Variants in WFDC8 observed in about 807,000 individuals in gnomAD.
WFDC8 encodes WAP four-disulfide core domain 8, also known as WAP four-disulfide core domain protein 8.
In WFDC8, 24 loss-of-function variants were observed where a neutral mutation model predicts 27.0. The observed-to-expected ratio is 0.89, with a 90% confidence interval of 0.64 to 1.25. The LOEUF (loss-of-function observed/expected upper bound fraction) is 1.25. Among genes scored for constraint, WFDC8 ranks in the 50% most tolerant of loss-of-function variants. WFDC8 has a pLI of 0.00. For missense variants in WFDC8, 287 were observed against 295.9 expected (o/e 0.97, Z 0.22); for synonymous variants, 106 against 99.7 (o/e 1.06, Z -0.38).
At chr20:45,562,805 C>T (rs765431245) in intron 1 of WFDC8, among the ~76,000 whole-genome samples, 8 of 152,124 alleles carry the variant, frequency 5.3e-5, no homozygotes, top group Non-Finnish European at 7.4e-5. Flanking sequence ...GAGCTTCCCC[C>T]GCCTACTCAA....
intron 1 of WFDC8, among the ~76,000 whole-genome samples, chr20:45,572,997 CG>C (rs1980922591): frequency 6.6e-6 from 1 of 152,146 alleles, no homozygotes; most frequent in Admixed American, 6.5e-5. Flanking sequence ...AATGGAGTGC[CG>C]TATATATTTT....
chr20:45,556,468 G>A (rs1433633592), intron 3 of WFDC8, among the ~76,000 whole-genome samples: 22 of 152,142 alleles, frequency 1.4e-4, no homozygotes, highest in Admixed American at 1.2e-3. Context: ...CATTTAGCCC[G>A]GGAACTGCTA....
In WFDC8 at chr20:45,551,859, A is replaced by C. The variant is rs1980045378; in HGVS notation, c.*167T>G. Reference sequence around the variant, plus strand: ...TCATGAAGTTGAAAAAAAGCCAAATATATCATCACTTTCAGATGATGGGAT... The same window carrying C: ...TCATGAAGTTGAAAAAAAGCCAAATCTATCATCACTTTCAGATGATGGGAT... On this transcript the variant is annotated 3_prime_UTR_variant, in exon 6 of 6. Coordinates refer to ENST00000289953, the MANE Select transcript of WFDC8 (RefSeq NM_130896.3). 1 of 855,822 alleles carries C rather than the reference A, an allele frequency of 1.2e-6. No homozygotes were observed. The highest frequency in any genetic ancestry group is 1.7e-5 in the African/African-American group (1 of 58,394). The allele number at this position is 855,822 out of a possible 1,614,324, so 53.0% of individuals were successfully genotyped here. A position where few individuals can be genotyped will look rare whatever the true frequency, so the allele number is the denominator to read the frequency against.
At chr20:45,561,557 C>G (rs924567536) in intron 2 of WFDC8, among the ~76,000 whole-genome samples, 1 of 152,124 alleles carries the variant, frequency 6.6e-6, no homozygotes, top group African/African-American at 2.4e-5. Context: ...GGACTTGGGT[C>G]AATTCTGTCT....
intron 1 of WFDC8, among the ~76,000 whole-genome samples, chr20:45,575,347 AC>A (rs1402351721): frequency 1.3e-5 from 2 of 152,194 alleles, no homozygotes; most frequent in Non-Finnish European, 2.9e-5. Context: ...AAATCAACAT[AC>A]AAAAATCAGC....
intron 4 of WFDC8, among the ~76,000 whole-genome samples, chr20:45,554,949 TCA>T (rs1980184490): frequency 2.0e-5 from 3 of 152,180 alleles, no homozygotes; most frequent in Admixed American, 2.0e-4. Context: ...GCCTCATAAA[TCA>T]CACAGTTGTG....
intron 4 of WFDC8, among the ~76,000 whole-genome samples, chr20:45,554,499 C>G (rs1294194075): frequency 6.6e-6 from 1 of 152,172 alleles, no homozygotes; most frequent in African/African-American, 2.4e-5. Context: ...TGCTCTTGTA[C>G]TCATCTGACT....
chr20:45,555,207 C>A (rs1980194500), intron 4 of WFDC8, among the ~76,000 whole-genome samples: 1 of 152,178 alleles, frequency 6.6e-6, no homozygotes. Context: ...GACACTGTTT[C>A]CCAACATTGC....
intron 1 of WFDC8, among the ~76,000 whole-genome samples, chr20:45,576,581 A>G (rs1278615470): frequency 6.6e-6 from 1 of 151,150 alleles, no homozygotes; most frequent in African/African-American, 2.4e-5. Context: ...TAATTTTAGT[A>G]GAGACGGGGT....
chr20:45,551,924 A>T lies in WFDC8; in HGVS notation c.*102T>A. 1 of 1,325,918 alleles carries T rather than the reference A, an allele frequency of 7.5e-7. No individual in the cohort carries two copies. Among genetic ancestry groups the T allele is most frequent in the Non-Finnish European group, 1.1e-6 (1 of 952,298 alleles). The allele number at this position is 1,325,918 out of a possible 1,614,324, so 82.1% of individuals were successfully genotyped here. On this transcript the variant is annotated 3_prime_UTR_variant, in exon 6 of 6. Coordinates refer to ENST00000289953, the MANE Select transcript of WFDC8 (RefSeq NM_130896.3). ...AAGTAACATCATTCAATATTGTGAT[A>T]CTTAAGATAATTTGGCAAGTTGGAT...
intron 1 of WFDC8, among the ~76,000 whole-genome samples, chr20:45,574,519 G>A (rs1980978274): frequency 6.6e-6 from 1 of 152,084 alleles, no homozygotes; most frequent in South Asian, 2.1e-4. Context: ...TCACAGCCAA[G>A]CATGGTGGGT....
chr20:45,553,413 T>G (rs2145560379), intron 4 of WFDC8, 137 bp from the exon 5 acceptor site: 1 of 1,098,144 alleles, frequency 9.1e-7, no homozygotes, highest in East Asian at 2.6e-5. Context: ...TCCAGTAGGC[T>G]GTGGAAGAAT....
chr20:45,576,024 G>A (rs1981033092), intron 1 of WFDC8, among the ~76,000 whole-genome samples: 1 of 151,394 alleles, frequency 6.6e-6, no homozygotes, highest in South Asian at 2.1e-4. Context: ...AAGTAAATTA[G>A]TAAGCCTCGT....
chr20:45,559,001 A>G lies in WFDC8; in HGVS notation c.137-9T>C. 6.2e-7 allele frequency: 1 copy of G among 1,613,740 alleles called. No individual in the cohort carries two copies. Among genetic ancestry groups the G allele is most frequent in the Non-Finnish European group, 8.5e-7 (1 of 1,179,828 alleles). ...ACATAACCCTGGTTTGTCTGCAAGAAAGAAATGTCCAAACTCACATTCTTT... is the reference window on the plus strand; with the variant it reads ...ACATAACCCTGGTTTGTCTGCAAGAGAGAAATGTCCAAACTCACATTCTTT... On this transcript the variant is annotated splice_polypyrimidine_tract_variant and intron_variant, in intron 2 of 5. Transcript: ENST00000289953.
At chr20:45,563,007 G>A (rs1440661012) in intron 1 of WFDC8, among the ~76,000 whole-genome samples, 1 of 152,190 alleles carries the variant, frequency 6.6e-6, no homozygotes, top group Non-Finnish European at 1.5e-5. Context: ...ATCTGTATTG[G>A]TGGAACTTCC....
intron 1 of WFDC8, chr20:45,568,330 A>C (rs959820916): frequency 8.2e-5 from 20 of 242,630 alleles, no homozygotes; most frequent in African/African-American, 4.5e-4. Context: ...GTGCTTCATA[A>C]GTGTCTCAGA....
intron 1 of WFDC8, among the ~76,000 whole-genome samples, chr20:45,571,544 G>T (rs769272952): frequency 1.5e-4 from 23 of 152,146 alleles, no homozygotes; most frequent in Non-Finnish European, 2.8e-4. Flanking sequence ...TGGTCACCAT[G>T]CTATGCAATA....
At chr20:45,569,620 G>A (rs1241636492) in intron 1 of WFDC8, among the ~76,000 whole-genome samples, 1 of 152,044 alleles carries the variant, frequency 6.6e-6, no homozygotes, top group South Asian at 2.1e-4. Context: ...TATGGTTTTG[G>A]GTTTAAAATT....
rs186630022 is a variant in WFDC8, at chr20:45,565,205, G to A, written c.27-2986C>T. On this transcript the variant is annotated intron_variant, in intron 1 of 5. Coordinates refer to ENST00000289953, the MANE Select transcript of WFDC8 (RefSeq NM_130896.3). ...TGAAGAGATTTTGATTGAAATCCAC[G>A]CTTCACCATCAAATCACTGTGTCAA... is the stretch of plus-strand genomic sequence containing the variant. Among the ~76,000 whole-genome samples, 498 of 152,202 alleles carry A rather than the reference G, an allele frequency of 3.3e-3. 3 individuals carry two copies. The highest frequency in any genetic ancestry group is 0.011 in the African/African-American group (471 of 41,540).
Sources: gnomAD v4.1 joint callset for allele counts (sites outside exome capture counted in the v4.1 genomes callset) on GRCh38, gnomAD v4.1.1 for gene constraint, MANE v1.5 for transcripts, NCBI Gene and HGNC (gene_info 2026-07-23, HGNC 2026-07-21) for gene names.